PFDN2: variants seen among roughly 807,000 people sequenced by gnomAD.
PFDN2 encodes prefoldin 2.
Under a neutral mutation model 18.3 loss-of-function variants are expected in PFDN2, and 7 were observed. The ratio of observed to expected loss-of-function variants is 0.38; its 90% CI spans 0.22 to 0.72. The LOEUF (loss-of-function observed/expected upper bound fraction) is 0.72, where lower values mean the gene tolerates loss of function less well. Ranked by LOEUF, PFDN2 falls within the 30% of genes least tolerant of loss-of-function variation. The pLI, the probability that PFDN2 is intolerant of heterozygous loss-of-function variation, is 0.47. For synonymous variants in PFDN2, 76 were observed against 75.0 expected, an observed-to-expected ratio of 1.01 and a Z score of -0.07; for missense variants, 181 against 199.1, an observed-to-expected ratio of 0.91 and a Z score of 0.55.
chr1:161,116,213 A>G (rs1654913890), intron 1 of PFDN2, among the ~76,000 whole-genome samples: 1 of 151,976 alleles, frequency 6.6e-6, no homozygotes, highest in Non-Finnish European at 1.5e-5. Context: ...TGAGCAACGA[A>G]GTGAAACTCT....
At position 161,102,361 on chromosome 1, in the gene PFDN2, G is replaced by T; in HGVS notation, c.90C>A (p.Phe30Leu). The change falls in exon 2 of 4, where the codon TTC (phenylalanine) becomes TTA (leucine). Residue 30 changes from phenylalanine (F) to leucine (L), a missense_variant. Transcript: ENST00000368010. The stretch of plus-strand genomic sequence containing the variant: ...CTCGCTGTTCCTGCCGAAGGCGGTT[G>T]AAGCCAGCAATCACCTAACAAGGTG... ...AVSAEQVIAGFNRLRQEQRGL... is the reference protein window; with the variant it reads ...AVSAEQVIAGLNRLRQEQRGL... The T allele has an allele frequency of 6.2e-7, 1 of 1,614,078 alleles. No individual in the cohort carries two copies. The highest frequency in any genetic ancestry group is 8.5e-7 in the Non-Finnish European group (1 of 1,179,914).
intron 1 of PFDN2, among the ~76,000 whole-genome samples, chr1:161,110,698 T>C (rs1236910880): frequency 6.6e-6 from 1 of 152,102 alleles, no homozygotes; most frequent in Non-Finnish European, 1.5e-5. Context: ...GCTCCACTAA[T>C]TACCTTCTTT....
At chr1:161,103,395 T>TA (rs5778192) in intron 1 of PFDN2, among the ~76,000 whole-genome samples, 53,303 of 146,048 alleles carry the variant, frequency 0.36, 9,598 homozygotes, top group East Asian at 0.44. Context: ...AATAGCCCTT[T>TA]AAAAAAAAAA....
intron 1 of PFDN2, among the ~76,000 whole-genome samples, chr1:161,110,319 C>T (rs1193814813): frequency 6.6e-6 from 1 of 152,056 alleles, no homozygotes; most frequent in Non-Finnish European, 1.5e-5. Context: ...CAACACCACA[C>T]CACTGCACTC....
At chr1:161,113,105 AAG>A (rs752043698) in intron 1 of PFDN2, among the ~76,000 whole-genome samples, 15 of 152,172 alleles carry the variant, frequency 9.9e-5, no homozygotes, top group Non-Finnish European at 1.5e-4. Context: ...TATTTTATAT[AAG>A]AGTTAAACAA....
intron 1 of PFDN2, among the ~76,000 whole-genome samples, chr1:161,106,942 G>A (rs1557963264): frequency 6.6e-6 from 1 of 152,090 alleles, no homozygotes; most frequent in Non-Finnish European, 1.5e-5. Flanking sequence ...CTTGAATGAT[G>A]GGACCATTGG....
At chr1:161,117,108 C>T (rs1654963735) in intron 1 of PFDN2, among the ~76,000 whole-genome samples, 2 of 148,496 alleles carry the variant, frequency 1.3e-5, no homozygotes, top group Non-Finnish European at 3.0e-5. Flanking sequence ...CGGCGCGCGC[C>T]TGTAGTCCCA....
intron 1 of PFDN2, among the ~76,000 whole-genome samples, chr1:161,102,799 A>C (rs1264179044): frequency 6.6e-6 from 1 of 152,056 alleles, no homozygotes; most frequent in African/African-American, 2.4e-5. Flanking sequence ...CGCTACTAAA[A>C]ATAGAAAAAT....
intron 3 of PFDN2, among the ~76,000 whole-genome samples, chr1:161,101,764 T>G (rs1654567338): frequency 6.6e-6 from 1 of 152,120 alleles, no homozygotes; most frequent in South Asian, 2.1e-4. Context: ...GCTGCCCTCC[T>G]TTTATCTGAG....
Position 161,110,330 on chromosome 1 carries a change from C to T in PFDN2, c.75+7622G>A, listed in dbSNP as rs375960622. Among the ~76,000 whole-genome samples, 5 of 152,216 alleles carry T rather than the reference C, an allele frequency of 3.3e-5. No individual in the cohort carries two copies. In the East Asian group the frequency reaches 7.7e-4, roughly 23 times the overall value. On this transcript the variant is annotated intron_variant, in intron 1 of 3. Transcript: ENST00000368010. ...GAGCCAACACCACACCACTGCACTCCAGCCTGGGTGACAGAGCAAGGCTCC... is the reference window on the plus strand; with the variant it reads ...GAGCCAACACCACACCACTGCACTCTAGCCTGGGTGACAGAGCAAGGCTCC...
At chr1:161,115,225 G>A (rs1394898574) in intron 1 of PFDN2, among the ~76,000 whole-genome samples, 1 of 152,056 alleles carries the variant, frequency 6.6e-6, no homozygotes, top group East Asian at 1.9e-4. Context: ...CACCACACCT[G>A]GCTAATTTTT....
chr1:161,113,503 C>A (rs1285436631), intron 1 of PFDN2, among the ~76,000 whole-genome samples: 3 of 152,176 alleles, frequency 2.0e-5, no homozygotes, highest in African/African-American at 4.8e-5. Flanking sequence ...TAGGCCTGAG[C>A]GGTGGCTCAG....
In PFDN2 at chr1:161,100,751, G is replaced by T; in HGVS notation, c.397C>A (p.Pro133Thr). ...NIRLMGEDEK[P>T]AAKENSEGAG... Reference sequence around the variant, plus strand: ...CCTTCTGAGTTTTCCTTGGCTGCTGGCTTCTCATCTTCTCCCATGAGACGA... The same window carrying T: ...CCTTCTGAGTTTTCCTTGGCTGCTGTCTTCTCATCTTCTCCCATGAGACGA... The change falls in exon 4 of 4, where the codon CCA becomes ACA. Residue 133 changes from proline to threonine, a missense_variant. By Grantham distance (38) the Pro-to-Thr change is conservative (BLOSUM62 -1). Transcript: ENST00000368010. 1 of 1,614,056 alleles carries T rather than the reference G, an allele frequency of 6.2e-7. No homozygotes were observed. The highest frequency in any genetic ancestry group is 1.1e-5 in the South Asian group (1 of 91,078).
At chr1:161,102,018 ACCCG>A in intron 3 of PFDN2, 26 bp downstream of exon 3, 1 of 1,613,192 alleles carries the variant, frequency 6.2e-7, no homozygotes. Flanking sequence ...CAGCCACTGT[ACCCG>A]ATCCTATTCA....
intron 1 of PFDN2, among the ~76,000 whole-genome samples, chr1:161,103,683 CAAAAAAAAAAAAAAAAAAAAA>C (rs553472563): frequency 1.3e-5 from 1 of 74,914 alleles, no homozygotes. Context: ...GACTCCGTCT[CAAAAAAAAAAAAAAAAAAAAA>C]AAAAAAAAAA....
At chr1:161,112,264 G>A (rs1654827255) in intron 1 of PFDN2, among the ~76,000 whole-genome samples, 1 of 152,142 alleles carries the variant, frequency 6.6e-6, no homozygotes, top group African/African-American at 2.4e-5. Context: ...CATATAACAA[G>A]TTTTCAATAA....
intron 1 of PFDN2, among the ~76,000 whole-genome samples, chr1:161,114,205 T>C (rs776661968): frequency 7.2e-5 from 11 of 152,222 alleles, no homozygotes; most frequent in African/African-American, 2.7e-4. Context: ...TACTGAATGT[T>C]TAACCTGGGT....
At chr1:161,115,168 T>A (rs1245249534) in intron 1 of PFDN2, among the ~76,000 whole-genome samples, 1 of 152,210 alleles carries the variant, frequency 6.6e-6, no homozygotes. Flanking sequence ...ATTCAAGCGA[T>A]TCTCCCTGCC....
At chr1:161,112,995 A>G (rs936801437) in intron 1 of PFDN2, among the ~76,000 whole-genome samples, 2 of 152,024 alleles carry the variant, frequency 1.3e-5, no homozygotes, top group African/African-American at 4.8e-5. Context: ...ATACTCCTAA[A>G]TGGCAAGAAA....
Sources: allele counts gnomAD v4.1 joint callset (sites outside exome capture counted in the v4.1 genomes callset), GRCh38; gene constraint gnomAD v4.1.1; transcripts MANE v1.5; gene names NCBI Gene and HGNC (gene_info 2026-07-23, HGNC 2026-07-21).